The following ZNF646 variants were observed in gnomAD, a reference collection of about 807,000 sequenced individuals.
ZNF646 encodes the protein zinc finger protein 646.
ZNF646 carries 49 observed loss-of-function variants against 115.4 expected under a neutral mutation model. The ratio of observed to expected loss-of-function variants is 0.42; its 90% CI spans 0.34 to 0.54. ZNF646 has a LOEUF of 0.54. ZNF646 is among the 20% of genes least tolerant of loss of function. The probability of loss-of-function intolerance (pLI) is 0.04; values close to 1 mark genes in which losing one functional copy is unlikely to be tolerated. For missense variants in ZNF646, 2,269 were observed against 2,457.9 expected, an observed-to-expected ratio of 0.92 and a Z score of 1.62; for synonymous variants, 933 against 939.0, an observed-to-expected ratio of 0.99 and a Z score of 0.12.
Position 31,084,000 on chromosome 16 carries a change from T to C in ZNF646, c.*908T>C, listed in dbSNP as rs1341001313. Reference sequence around the variant, plus strand: ...AGAACCAGAATCTGAATCAAATGGGTCTGCCTGTTGCTCCACCCTACCCAA... The same window carrying C: ...AGAACCAGAATCTGAATCAAATGGGCCTGCCTGTTGCTCCACCCTACCCAA... On this transcript the variant is annotated 3_prime_UTR_variant, in exon 3 of 3. Transcript: ENST00000300850. 1 of 1,498,654 alleles carries C rather than the reference T, an allele frequency of 6.7e-7. No homozygotes were observed. Among genetic ancestry groups the C allele is most frequent in the African/African-American group, 1.4e-5 (1 of 71,940 alleles). The allele number at this position is 1,498,654 out of a possible 1,614,324, so 92.8% of individuals were successfully genotyped here. A position where few individuals can be genotyped will look rare whatever the true frequency, so the allele number is the denominator to read the frequency against.
Position 31,080,290 on chromosome 16 carries a change from G to A in ZNF646, c.3966G>A (p.Glu1322=), listed in dbSNP as rs1306953057. ...TCCTGAACCACCGGCGCAGCCACGA[G>A]ACGGGCCAGTACAGCTGCCCCACCT... ...GSLLNHRRSH[E]TGQYSCPTCP... is the part of the protein sequence containing the mutation. The change falls in exon 2 of 3, where the codon GAG becomes GAA. Residue 1322 remains glutamate, a synonymous_variant. Transcript: ENST00000300850. The A allele has an allele frequency of 1.9e-6, 3 of 1,613,022 alleles. No individual in the cohort carries two copies. The highest frequency in any genetic ancestry group is 1.7e-5 in the Admixed American group (1 of 60,016).
Position 31,076,232 on chromosome 16 carries a change from C to A in ZNF646, c.-79-14C>A, listed in dbSNP as rs1426490624. The A allele has an allele frequency of 2.0e-5, 29 of 1,478,404 alleles. No individual in the cohort carries two copies. Among genetic ancestry groups the A allele is most frequent in the Middle Eastern group, 1.8e-4 (1 of 5,488 alleles). 91.6% of individuals were successfully genotyped at this position (1,478,404 alleles called of 1,614,324 possible). On this transcript the variant is annotated splice_polypyrimidine_tract_variant and intron_variant, in intron 1 of 2. Transcript: ENST00000300850. ...ATTCAGGCCTTCCTTTTGACCACTG[C>A]CCCCTCTTCCTAGGCCTTGGCCCCT... is the stretch of plus-strand genomic sequence containing the variant.
Position 31,082,975 on chromosome 16 carries a change from C to G in ZNF646, c.5382C>G (p.Ala1794=), listed in dbSNP as rs756026174. The change falls in exon 3 of 3, where the codon GCC becomes GCG. Residue 1794 remains alanine, a synonymous_variant. Transcript: ENST00000300850. ...QEEWTVAGSG[A]PVAPVTGRGD... is the part of the protein sequence containing the mutation. ...CTCCTCTCTCTCTCCCCCCAGGAGC[C>G]CCAGTGGCACCAGTGACGGGCAGAG... 6.3e-7 allele frequency: 1 copy of G among 1,592,140 alleles called. No homozygotes were observed. Among genetic ancestry groups the G allele is most frequent in the Admixed American group, 1.8e-5 (1 of 56,474 alleles).
Position 31,083,283 on chromosome 16 carries a change from C to A in ZNF646, c.*191C>A. ...CCTCGCGTCCCTGTCCTTGAAGGAC[C>A]TCCTTCCCCCAGCCTCATCACCGTG... On this transcript the variant is annotated 3_prime_UTR_variant, in exon 3 of 3. Transcript: ENST00000300850. 2.0e-6 allele frequency: 2 copies of A among 996,040 alleles called. No homozygotes were observed. The highest frequency in any genetic ancestry group is 2.8e-6 in the Non-Finnish European group (2 of 706,820). The allele number at this position is 996,040 out of a possible 1,614,324, so 61.7% of individuals were successfully genotyped here. A position where few individuals can be genotyped will look rare whatever the true frequency, so the allele number is the denominator to read the frequency against.
intron 2 of ZNF646, chr16:31,081,946 C>CTG: frequency 1.7e-6 from 1 of 593,016 alleles, no homozygotes; most frequent in Non-Finnish European, 2.9e-6. Flanking sequence ...CAGGCCGAGG[C>CTG]TGCTACCTGG....
upstream of ZNF646, chr16:31,073,468 A>G (rs2057034675): frequency 6.6e-6 from 1 of 152,124 alleles, no homozygotes; most frequent in Admixed American, 6.5e-5. Flanking sequence ...CCGCGGAGAC[A>G]GCCGGCGGGT....
chr16:31,079,537 C>A lies in ZNF646; in HGVS notation c.3213C>A (p.Arg1071=). ...YRHGGSLVNH[R]KIHQTGDFLC... is the part of the protein sequence containing the mutation. ...ATGGGGGCAGCCTGGTGAACCACCG[C>A]AAGATCCACCAGACTGGAGACTTTC... is the stretch of plus-strand genomic sequence containing the variant. Residue 1071 remains arginine, a synonymous_variant, in exon 2 of 3, where the codon CGC becomes CGA. Transcript: ENST00000300850. The surrounding 1 kb of genome is among the most constrained non-coding windows in gnomAD (Gnocchi z 5.5). 6.2e-7 allele frequency: 1 copy of A among 1,613,542 alleles called. No homozygotes were observed. Among genetic ancestry groups the A allele is most frequent in the Non-Finnish European group, 8.5e-7 (1 of 1,180,024 alleles).
At position 31,079,645 on chromosome 16, in the gene ZNF646, T is replaced by G. The variant is rs1256874137; in HGVS notation, c.3321T>G (p.Ser1107=). Residue 1107 remains serine (S), a synonymous_variant, in exon 2 of 3, where the codon TCT becomes TCG. Coordinates refer to ENST00000300850, the MANE Select transcript of ZNF646 (RefSeq NM_014699.4). This position sits in a 1 kb window ranked among gnomAD's most constrained non-coding sequence, Gnocchi z 5.5. ...HLRNHPRCKG[S]EPQVGPIPEA... Reference sequence around the variant, plus strand: ...GGAACCACCCTCGCTGCAAAGGCTCTGAGCCCCAGGTTGGGCCCATCCCAG... The same window carrying G: ...GGAACCACCCTCGCTGCAAAGGCTCGGAGCCCCAGGTTGGGCCCATCCCAG... 3 of 1,613,472 alleles carry G rather than the reference T, an allele frequency of 1.9e-6. No homozygotes were observed. Among genetic ancestry groups the G allele is most frequent in the Non-Finnish European group, 2.5e-6 (3 of 1,180,012 alleles).
In ZNF646 at chr16:31,076,397, C is replaced by A; in HGVS notation, c.73C>A (p.Arg25=). 1.2e-6 allele frequency: 2 copies of A among 1,614,056 alleles called. No individual in the cohort carries two copies. Among genetic ancestry groups the A allele is most frequent in the Non-Finnish European group, 1.7e-6 (2 of 1,180,008 alleles). ...CTTTCCCAGCCTCCCAGAGCTCTCT[C>A]GGCACCGAGAACTGCTCCATCCATC... ...RHFPSLPELS[R]HRELLHPSPN... is the part of the protein sequence containing the mutation. The change falls in exon 2 of 3, where the codon CGG becomes AGG. Residue 25 remains arginine (R), a synonymous_variant. Coordinates refer to ENST00000300850, the MANE Select transcript of ZNF646 (RefSeq NM_014699.4).
rs1195737134 is a variant in ZNF646 at position 31,079,882 on chromosome 16, G to A, written c.3558G>A (p.Leu1186=). 1.2e-6 allele frequency: 2 copies of A among 1,612,210 alleles called. No individual in the cohort carries two copies. The highest frequency in any genetic ancestry group is 2.7e-5 in the African/African-American group (2 of 74,996). ...TVKGEEIEPR[L]ETAEKGCQTE... Reference sequence around the variant, plus strand: ...AGGGGGAGGAGATAGAGCCCAGGCTGGAGACTGCCGAGAAGGGCTGCCAGA... The same window carrying A: ...AGGGGGAGGAGATAGAGCCCAGGCTAGAGACTGCCGAGAAGGGCTGCCAGA... Residue 1186 remains leucine (L), a synonymous_variant, in exon 2 of 3, where the codon CTG becomes CTA. Transcript: ENST00000300850. This position sits in a 1 kb window ranked among gnomAD's most constrained non-coding sequence, Gnocchi z 5.5.
Position 31,081,405 on chromosome 16 carries a change from AC to A in ZNF646, c.5083del (p.His1695ThrfsTer105). On this transcript the variant is annotated frameshift_variant, in exon 2 of 3. Transcript: ENST00000300850. LOFTEE classifies it high-confidence loss of function. ...RSYRHAGSLL[N>X]HQKAHTTGLY... is the part of the protein sequence containing the mutation. ...TACCGCCATGCTGGCAGCCTGCTGAACCACCAGAAGGCCCACACCACAGGGT... is the reference window on the plus strand; with the variant it reads ...TACCGCCATGCTGGCAGCCTGCTGAACACCAGAAGGCCCACACCACAGGGT... 1 of 1,611,522 alleles carries A rather than the reference AC, an allele frequency of 6.2e-7. No individual in the cohort carries two copies. Among genetic ancestry groups the A allele is most frequent in the South Asian group, 1.1e-5 (1 of 91,048 alleles).
chr16:31,079,945 G>T lies in ZNF646; in HGVS notation c.3621G>T (p.Val1207=), dbSNP rs1286300379. Residue 1207 remains valine, a synonymous_variant, in exon 2 of 3, where the codon GTG becomes GTT. Coordinates refer to ENST00000300850, the MANE Select transcript of ZNF646 (RefSeq NM_014699.4). This position sits in a 1 kb window ranked among gnomAD's most constrained non-coding sequence, Gnocchi z 5.5. ...CTGAGCGGCCCTTCAGCTGCGAGGT[G>T]TGTGGCCGATCCTACAAGCACGCCG... The part of the protein sequence containing the change: ...ASSERPFSCE[V]CGRSYKHAGS... 1 of 1,611,616 alleles carries T rather than the reference G, an allele frequency of 6.2e-7. No individual in the cohort carries two copies. The highest frequency in any genetic ancestry group is 1.3e-5 in the African/African-American group (1 of 74,846).
rs1037405846 is a variant in ZNF646, at chr16:31,074,559, G to C, written c.-152G>C. ...TTCCCTCCCACCTCCCGGGAACCCT[G>C]GCTGAGTGTGCGTGTGTGGGAGCGC... On this transcript the variant is annotated 5_prime_UTR_variant, in exon 1 of 3. Transcript: ENST00000300850. The C allele has an allele frequency of 1.3e-5, 2 of 152,342 alleles. No homozygotes were observed. Among genetic ancestry groups the C allele is most frequent in the Non-Finnish European group, 2.9e-5 (2 of 68,126 alleles). The allele number at this position is 152,342 out of a possible 1,614,324, so 9.4% of individuals were successfully genotyped here. A position where few individuals can be genotyped will look rare whatever the true frequency, so the allele number is the denominator to read the frequency against.
In ZNF646 at chr16:31,081,277, C is replaced by T; in HGVS notation, c.4953C>T (p.Gly1651=). Residue 1651 remains glycine (G), a synonymous_variant, in exon 2 of 3, where the codon GGC becomes GGT. Coordinates refer to ENST00000300850, the MANE Select transcript of ZNF646 (RefSeq NM_014699.4). Reference sequence around the variant, plus strand: ...AGGCCCCATCAGAAACCCCCAGAGGCCCAGGAGAGAGTGTGGAGAGAGCCA... The same window carrying T: ...AGGCCCCATCAGAAACCCCCAGAGGTCCAGGAGAGAGTGTGGAGAGAGCCA... ...AQEAPSETPR[G]PGESVERARG... is the part of the protein sequence containing the mutation. 6.2e-7 allele frequency: 1 copy of T among 1,612,016 alleles called. No homozygotes were observed. Among genetic ancestry groups the T allele is most frequent in the Non-Finnish European group, 8.5e-7 (1 of 1,178,670 alleles).
Position 31,083,197 on chromosome 16 carries a change from CCT to C in ZNF646, c.*109_*110del, listed in dbSNP as rs2057188152. On this transcript the variant is annotated 3_prime_UTR_variant, in exon 3 of 3. Transcript: ENST00000300850. ...TAGTTCGGGCATCCCCATATCTTCT[CCT>C]CTCCCCTTGTGAAGAGGACCCAGAT... The C allele has an allele frequency of 4.8e-6, 7 of 1,472,076 alleles. No homozygotes were observed. Among genetic ancestry groups the C allele is most frequent in the Non-Finnish European group, 6.3e-6 (7 of 1,106,040 alleles). The allele number at this position is 1,472,076 out of a possible 1,614,324, so 91.2% of individuals were successfully genotyped here.
chr16:31,078,518 G>T lies in ZNF646; in HGVS notation c.2194G>T (p.Ala732Ser), dbSNP rs137896095. 9.4e-6 allele frequency: 15 copies of T among 1,594,862 alleles called. No individual in the cohort carries two copies. The highest frequency in any genetic ancestry group is 1.2e-5 in the Non-Finnish European group (14 of 1,167,976). ...GGAAAGTGATGGGGACTGTTTGCAGGCTGAATCTGAAGGGGACAAATGTGG... is the reference window on the plus strand; with the variant it reads ...GGAAAGTGATGGGGACTGTTTGCAGTCTGAATCTGAAGGGGACAAATGTGG... ...NLESDGDCLQ[A>S]ESEGDKCGLE... The change falls in exon 2 of 3, where the codon GCT (alanine) becomes TCT (serine). Residue 732 changes from alanine (A) to serine (S), a missense_variant. Transcript: ENST00000300850.
rs536874824 is a variant in ZNF646 at position 31,079,867 on chromosome 16, G to A, written c.3543G>A (p.Glu1181=). 5 of 1,612,908 alleles carry A rather than the reference G, an allele frequency of 3.1e-6. No individual in the cohort carries two copies. Among genetic ancestry groups the A allele is most frequent in the East Asian group, 4.5e-5 (2 of 44,868 alleles). The stretch of plus-strand genomic sequence containing the variant: ...AGGAGACCACTGTGAAGGGGGAGGA[G>A]ATAGAGCCCAGGCTGGAGACTGCCG... ...VWEETTVKGE[E]IEPRLETAEK... Residue 1181 remains glutamate (E), a synonymous_variant, in exon 2 of 3, where the codon GAG becomes GAA. Transcript: ENST00000300850. The surrounding 1 kb of genome is among the most constrained non-coding windows in gnomAD (Gnocchi z 5.5).
chr16:31,078,263 G>C lies in ZNF646; in HGVS notation c.1939G>C (p.Gly647Arg). The part of the protein sequence containing the change: ...QTHQTGDFSC[G>R]ACAKHFHTMA... ...CCACCAGACAGGAGACTTCAGTTGT[G>C]GGGCCTGTGCCAAGCACTTCCACAC... The change falls in exon 2 of 3, where the codon GGG becomes CGG. Residue 647 changes from glycine (G) to arginine (R), a missense_variant. Physicochemically the swap from Gly to Arg is moderately radical, Grantham distance 125. Transcript: ENST00000300850. 1 of 1,613,866 alleles carries C rather than the reference G, an allele frequency of 6.2e-7. No individual in the cohort carries two copies. Among genetic ancestry groups the C allele is most frequent in the Non-Finnish European group, 8.5e-7 (1 of 1,179,998 alleles).
At position 31,081,592 on chromosome 16, in the gene ZNF646, C is replaced by T. The variant is rs768082451; in HGVS notation, c.5268C>T (p.Pro1756=). The part of the protein sequence containing the change: ...RLEGHGRVHA[P]REGPFTCPHC... The stretch of plus-strand genomic sequence containing the variant: ...AGGGCCACGGGCGGGTCCATGCACC[C>T]CGGGAGGGGCCTTTCACCTGCCCCC... Residue 1756 remains proline, a synonymous_variant, in exon 2 of 3, where the codon CCC becomes CCT. Transcript: ENST00000300850. 1.2e-6 allele frequency: 2 copies of T among 1,611,854 alleles called. No homozygotes were observed. Among genetic ancestry groups the T allele is most frequent in the Non-Finnish European group, 1.7e-6 (2 of 1,179,378 alleles).
Sources: gnomAD v4.1 joint callset for allele counts on GRCh38, gnomAD v4.1.1 for gene constraint, Gnocchi (gnomAD v3.1) non-coding constraint, MANE v1.5 for transcripts, NCBI Gene and HGNC (gene_info 2026-07-23, HGNC 2026-07-21) for gene names.